ANO2: variants seen among roughly 807,000 people sequenced by gnomAD.
ANO2 encodes the protein anoctamin 2, also known as anoctamin-2.
Under a neutral mutation model 124.2 loss-of-function variants are expected in ANO2, and 101 were observed. The ratio of observed to expected loss-of-function variants is 0.81; its 90% CI spans 0.69 to 0.96. The LOEUF is 0.96. ANO2 is among the 40% of genes least tolerant of loss of function. ANO2 has a pLI of 0.00. For synonymous variants in ANO2, 486 were observed against 482.5 expected, an observed-to-expected ratio of 1.01 and a Z score of -0.09; for missense variants, 1,293 against 1,274.5, an observed-to-expected ratio of 1.01 and a Z score of -0.22.
At chr12:5,933,291 A>G (rs986193459) in intron 1 of ANO2, among the ~76,000 whole-genome samples, 2 of 152,274 alleles carry the variant, frequency 1.3e-5, no homozygotes, top group African/African-American at 4.8e-5. Context: ...CCAGAAGGTG[A>G]TCTGCTTTTT....
intron 14 of ANO2, among the ~76,000 whole-genome samples, chr12:5,723,244 C>T (rs1040903240): frequency 1.3e-5 from 2 of 152,186 alleles, no homozygotes; most frequent in African/African-American, 4.8e-5. Flanking sequence ...ACTCACATTG[C>T]GGTGTGATGT....
intron 20 of ANO2, among the ~76,000 whole-genome samples, chr12:5,592,163 C>G (rs901678291): frequency 2.6e-5 from 4 of 152,146 alleles, no homozygotes; most frequent in African/African-American, 9.7e-5. Flanking sequence ...AGCGGGACTT[C>G]TATTTCTCTA....
chr12:5,945,206 G>A lies in ANO2; in HGVS notation c.12C>T (p.Pro4=), dbSNP rs1943053876. The A allele has an allele frequency of 7.8e-7, 1 of 1,288,590 alleles. No homozygotes were observed. Among genetic ancestry groups the A allele is most frequent in the Non-Finnish European group, 1.0e-6 (1 of 988,174 alleles). 79.8% of individuals were successfully genotyped at this position (1,288,590 alleles called of 1,614,324 possible). A position where few individuals can be genotyped will look rare whatever the true frequency, so the allele number is the denominator to read the frequency against. The change falls in exon 1 of 25, where the codon CCC becomes CCT. Residue 4 remains proline (P), a synonymous_variant. Transcript: ENST00000682330. ...AGCCGGAAAACTCACCGCGCGGCCCGGGAGTCGCCATGATGTGGACGCAGA... is the reference window on the plus strand; with the variant it reads ...AGCCGGAAAACTCACCGCGCGGCCCAGGAGTCGCCATGATGTGGACGCAGA... MAT[P]GPRDIPLLPG...
rs367723802 is a variant in ANO2, at chr12:5,835,948, A to C, written c.634-3345T>G. Among the ~76,000 whole-genome samples, 16 of 152,310 alleles carry C rather than the reference A, an allele frequency of 1.1e-4. No homozygotes were observed. The East Asian group carries it at 1.7e-3, about 17-fold the overall frequency. On this transcript the variant is annotated intron_variant, in intron 4 of 24. Coordinates refer to ENST00000682330, the MANE Select transcript of ANO2 (RefSeq NM_001364791.2). ...GACCAGGCACCTGACCTGCACTGAG[A>C]CTATGGAGTTCACCATACCATACCC...
chr12:5,874,541 G>A (rs1249107867), intron 3 of ANO2, among the ~76,000 whole-genome samples: 1 of 152,162 alleles, frequency 6.6e-6, no homozygotes, highest in African/African-American at 2.4e-5. Context: ...CTTGCTCCTT[G>A]CTTGACTCTG....
At chr12:5,671,379 ACT>A (rs1302447827) in intron 14 of ANO2, among the ~76,000 whole-genome samples, 1 of 151,732 alleles carries the variant, frequency 6.6e-6, no homozygotes, top group Non-Finnish European at 1.5e-5. Flanking sequence ...GTATTAGCAA[ACT>A]CTGCCGAGAC....
intron 1 of ANO2, among the ~76,000 whole-genome samples, chr12:5,941,795 T>G (rs1942904847): frequency 6.6e-6 from 1 of 152,124 alleles, no homozygotes; most frequent in South Asian, 2.1e-4. Context: ...ATGAAGAATA[T>G]TTAAATATGA....
At chr12:5,810,186 A>G (rs1460158582) in intron 7 of ANO2, among the ~76,000 whole-genome samples, 1 of 152,144 alleles carries the variant, frequency 6.6e-6, no homozygotes, top group Non-Finnish European at 1.5e-5. Flanking sequence ...GTGGCTGATA[A>G]GGGAAGGGAG....
chr12:5,826,135 G>C lies in ANO2; in HGVS notation c.892+1634C>G, dbSNP rs181447697. On this transcript the variant is annotated intron_variant, in intron 7 of 24. Coordinates refer to ENST00000682330, the MANE Select transcript of ANO2 (RefSeq NM_001364791.2). The stretch of plus-strand genomic sequence containing the variant: ...TTTATTGACCTCATATCAGCATTTA[G>C]GTATTGTTAACTTTATGTAATAGTA... 1.2e-3 allele frequency among the ~76,000 whole-genome samples: 188 copies of C among 152,230 alleles called. 2 individuals carry two copies. The highest frequency in any genetic ancestry group is 4.2e-3 in the African/African-American group (174 of 41,534).
At chr12:5,716,429 GGGTT>G (rs748096311) in intron 14 of ANO2, among the ~76,000 whole-genome samples, 1 of 152,130 alleles carries the variant, frequency 6.6e-6, no homozygotes, top group Non-Finnish European at 1.5e-5. Context: ...ACAGGCTGCT[GGGTT>G]GGTCACTTCC....
At chr12:5,923,163 TACACACACACGCACACACACATAC>T (rs1392486567) in intron 1 of ANO2, among the ~76,000 whole-genome samples, 1,248 of 16,108 alleles carry the variant, frequency 0.077, 36 homozygotes, top group African/African-American at 0.17. Flanking sequence ...CACACACGCA[TACACACACACGCACACACACATAC>T]ACACACACGC....
chr12:5,647,913 A>C, intron 14 of ANO2, 112 bp from the exon 15 acceptor site: 1 of 786,282 alleles, frequency 1.3e-6, no homozygotes, highest in Non-Finnish European at 2.1e-6. Context: ...CTATATAGAT[A>C]TATTTCTAGT....
At chr12:5,750,996 AAC>A (rs1951419735) in intron 10 of ANO2, 26 bp from the exon 11 acceptor site, 7 of 1,567,706 alleles carry the variant, frequency 4.5e-6, no homozygotes, top group Non-Finnish European at 5.2e-6. Flanking sequence ...AAGAAAATGA[AAC>A]ACATATTAAG....
At chr12:5,762,570 A>G (rs1191835521) in intron 10 of ANO2, among the ~76,000 whole-genome samples, 4 of 151,876 alleles carry the variant, frequency 2.6e-5, no homozygotes, top group Non-Finnish European at 5.9e-5. Flanking sequence ...AAGAAGAGTA[A>G]TTTTGTCTAG....
chr12:5,899,745 G>A lies in ANO2; in HGVS notation c.534+21295C>T, dbSNP rs574361989. 7.9e-5 allele frequency among the ~76,000 whole-genome samples: 12 copies of A among 152,310 alleles called. 1 individual carries two copies. Among genetic ancestry groups the A allele is most frequent in the African/African-American group, 2.2e-4 (9 of 41,572 alleles). The stretch of plus-strand genomic sequence containing the variant: ...TGTTCTTAGAACCATGTCATCTGCT[G>A]GTCTAGCACAGAGTCTGCCAGTCTC... On this transcript the variant is annotated intron_variant, in intron 3 of 24. Coordinates refer to ENST00000682330, the MANE Select transcript of ANO2 (RefSeq NM_001364791.2).
At chr12:5,929,667 T>C (rs1156967222) in intron 1 of ANO2, among the ~76,000 whole-genome samples, 6 of 108,334 alleles carry the variant, frequency 5.5e-5, no homozygotes, top group Admixed American at 8.9e-5. Flanking sequence ...ATTAGTCACT[T>C]TCTTACCAGT....
intron 10 of ANO2, among the ~76,000 whole-genome samples, chr12:5,754,903 T>C (rs1014613435): frequency 2.0e-5 from 3 of 151,932 alleles, no homozygotes; most frequent in Non-Finnish European, 1.5e-5. Context: ...TATCCTGTCT[T>C]ATATTTATTT....
At chr12:5,584,681 C>G (rs1040191155) in intron 20 of ANO2, among the ~76,000 whole-genome samples, 1 of 152,172 alleles carries the variant, frequency 6.6e-6, no homozygotes, top group Non-Finnish European at 1.5e-5. Flanking sequence ...CAAGGGAAGC[C>G]AACTATGCTT....
intron 3 of ANO2, among the ~76,000 whole-genome samples, chr12:5,906,392 T>C (rs908894811): frequency 6.7e-6 from 1 of 150,286 alleles, no homozygotes; most frequent in Non-Finnish European, 1.5e-5. Flanking sequence ...CCATCCATGG[T>C]GACTCACACC....
Sources: gnomAD v4.1 joint callset for allele counts (sites outside exome capture counted in the v4.1 genomes callset) on GRCh38, gnomAD v4.1.1 for gene constraint, MANE v1.5 for transcripts, NCBI Gene and HGNC (gene_info 2026-07-23, HGNC 2026-07-21) for gene names.